Variants in THAP6 observed in about 807,000 individuals in gnomAD.
THAP6 encodes the protein THAP domain-containing protein 6.
THAP6 carries 13 observed loss-of-function variants against 20.0 expected under a neutral mutation model. That is an observed-to-expected ratio of 0.65 (90% confidence interval 0.42 to 1.03). The LOEUF (loss-of-function observed/expected upper bound fraction) is 1.03, where lower values mean the gene tolerates loss of function less well. THAP6 is among the 50% of genes least tolerant of loss of function. The pLI, the probability that THAP6 is intolerant of heterozygous loss-of-function variation, is 0.00. For missense variants in THAP6, 262 were observed against 261.6 expected (o/e 1.00, Z -0.01); for synonymous variants, 93 against 92.2 (o/e 1.01, Z -0.05).
intron 4 of THAP6, among the ~76,000 whole-genome samples, chr4:75,525,391 TTTC>T (rs1726300911): frequency 1.3e-5 from 2 of 152,192 alleles, no homozygotes; most frequent in African/African-American, 4.8e-5. Flanking sequence ...CACGAAATCT[TTTC>T]TTCTTCAAAA....
chr4:75,538,582 A>G (rs1383248834), intron 2 of THAP6, among the ~76,000 whole-genome samples: 1 of 152,172 alleles, frequency 6.6e-6, no homozygotes, highest in Non-Finnish European at 1.5e-5. Flanking sequence ...AGGTTTCTAA[A>G]ACCTAAAGGC....
intron 2 of THAP6, chr4:75,540,088 G>C (rs1441837196): frequency 1.8e-6 from 2 of 1,082,758 alleles, no homozygotes; most frequent in Non-Finnish European, 2.6e-6. Context: ...CTCCAATACT[G>C]ACAAGCCATT....
downstream of THAP6, among the ~76,000 whole-genome samples, chr4:75,533,429 G>A (rs995875147): frequency 2.6e-5 from 4 of 151,972 alleles, no homozygotes; most frequent in African/African-American, 4.8e-5. Context: ...CCACATTTTC[G>A]TATCTTCTTC....
chr4:75,529,502 C>G lies in THAP6; in HGVS notation c.*2288C>G. 1 of 985,344 alleles carries G rather than the reference C, an allele frequency of 1.0e-6. No homozygotes were observed. Among genetic ancestry groups the G allele is most frequent in the Non-Finnish European group, 1.2e-6 (1 of 829,926 alleles). 61.0% of individuals were successfully genotyped at this position (985,344 alleles called of 1,614,324 possible). A position where few individuals can be genotyped will look rare whatever the true frequency, so the allele number is the denominator to read the frequency against. The stretch of plus-strand genomic sequence containing the variant: ...CAGAGCTGCCCATTTTCTCTTTGTT[C>G]TAATAGGGAAGCAATTACTGATAGA... On this transcript the variant is annotated 3_prime_UTR_variant, in exon 5 of 5. Transcript: ENST00000311638.
chr4:75,525,687 A>G (rs1726319923), intron 4 of THAP6, among the ~76,000 whole-genome samples: 1 of 152,280 alleles, frequency 6.6e-6, no homozygotes, highest in African/African-American at 2.4e-5. Context: ...AATTTGCCAG[A>G]TGCTAGATAT....
chr4:75,514,178 A>C (rs370747865), upstream of THAP6: 1 of 1,597,578 alleles, frequency 6.3e-7, no homozygotes, highest in Non-Finnish European at 8.6e-7. Flanking sequence ...GTCAGGGAAG[A>C]GTCCATAGAA....
intron 2 of THAP6, among the ~76,000 whole-genome samples, chr4:75,535,685 T>C (rs1726829939): frequency 1.3e-5 from 2 of 152,256 alleles, no homozygotes; most frequent in Non-Finnish European, 2.9e-5. Context: ...GTATTAACCA[T>C]AGTTAATATA....
At chr4:75,532,139 A>T (rs1288212643), downstream of THAP6, among the ~76,000 whole-genome samples, 1 of 152,200 alleles carries the variant, frequency 6.6e-6, no homozygotes, top group African/African-American at 2.4e-5. Context: ...CTATGAGCCT[A>T]TAAAATCAAA....
intron 3 of THAP6, among the ~76,000 whole-genome samples, chr4:75,543,272 C>T (rs1431405322): frequency 1.3e-5 from 2 of 152,210 alleles, no homozygotes; most frequent in Non-Finnish European, 2.9e-5. Context: ...TAAGAATTTT[C>T]ATTCTCTATG....
intron 4 of THAP6, among the ~76,000 whole-genome samples, chr4:75,523,157 T>C (rs1306541160): frequency 5.3e-5 from 8 of 152,242 alleles, no homozygotes; most frequent in Non-Finnish European, 1.2e-4. Flanking sequence ...GCATGAGATA[T>C]TTTCTTATTG....
intron 3 of THAP6, among the ~76,000 whole-genome samples, chr4:75,518,831 A>C (rs1451290113): frequency 1.3e-5 from 2 of 152,236 alleles, no homozygotes; most frequent in African/African-American, 2.4e-5. Flanking sequence ...ACTTTCTAAA[A>C]AAGCATCCCA....
intron 2 of THAP6, among the ~76,000 whole-genome samples, chr4:75,538,995 C>T (rs1037090823): frequency 2.0e-5 from 3 of 152,186 alleles, no homozygotes; most frequent in Admixed American, 6.5e-5. Flanking sequence ...CATTTCCACA[C>T]GTATTTTTCA....
At chr4:75,521,920 A>G (rs766106619) in intron 4 of THAP6, 59 bp downstream of exon 4, 8 of 1,593,716 alleles carry the variant, frequency 5.0e-6, no homozygotes, top group Non-Finnish European at 6.8e-6. Flanking sequence ...TGTCCTCTCC[A>G]TTACAATCAA....
intron 3 of THAP6, among the ~76,000 whole-genome samples, chr4:75,521,212 T>G (rs544407752): frequency 6.6e-6 from 1 of 152,062 alleles, no homozygotes; most frequent in South Asian, 2.1e-4. Flanking sequence ...CCTTTCTCAC[T>G]TTAAGATTAT....
At chr4:75,530,055 A>G (rs1726628474), downstream of THAP6, 2 of 984,490 alleles carry the variant, frequency 2.0e-6, no homozygotes, top group South Asian at 4.7e-5. Flanking sequence ...ACATTGAGTT[A>G]TTCAATAAAA....
chr4:75,517,912 C>A (rs572388956), intron 3 of THAP6, among the ~76,000 whole-genome samples: 1 of 152,190 alleles, frequency 6.6e-6, no homozygotes, highest in Admixed American at 6.5e-5. Context: ...TGATTGATTC[C>A]AATGTGGAAA....
chr4:75,532,400 G>A (rs1470564499), downstream of THAP6, among the ~76,000 whole-genome samples: 2 of 152,208 alleles, frequency 1.3e-5, no homozygotes, highest in Non-Finnish European at 2.9e-5. Flanking sequence ...GCAGGGTACA[G>A]CCTCCCTCCT....
chr4:75,540,723 TA>T (rs34975844), intron 2 of THAP6, among the ~76,000 whole-genome samples: 1 of 152,206 alleles, frequency 6.6e-6, no homozygotes, highest in African/African-American at 2.4e-5. Flanking sequence ...GACTTGCCAG[TA>T]AAATGTACTC....
chr4:75,517,797 A>T (rs529736877), intron 3 of THAP6: 3 of 152,216 alleles, frequency 2.0e-5, no homozygotes, highest in Non-Finnish European at 4.4e-5. Context: ...ATTGAATTCC[A>T]TGTTTTTTCT....
Sources: gnomAD v4.1 joint callset for allele counts (sites outside exome capture counted in the v4.1 genomes callset) on GRCh38, gnomAD v4.1.1 for gene constraint, MANE v1.5 for transcripts, NCBI Gene and HGNC (gene_info 2026-07-23, HGNC 2026-07-21) for gene names.